The following RBFOX1 variants were observed in gnomAD, a reference collection of about 807,000 sequenced individuals.
RBFOX1 encodes RNA binding fox-1 homolog 1, also known as RNA binding protein fox-1 homolog 1.
RBFOX1 carries 8 observed loss-of-function variants against 57.7 expected under a neutral mutation model. The observed-to-expected ratio is 0.14, with a 90% confidence interval of 0.08 to 0.25. The LOEUF (loss-of-function observed/expected upper bound fraction) is 0.25. RBFOX1 is among the 10% of genes least tolerant of loss of function. The probability of loss-of-function intolerance (pLI) is 1.00; values close to 1 mark genes in which losing one functional copy is unlikely to be tolerated. For missense variants in RBFOX1, 611 were observed against 548.5 expected (o/e 1.11, Z -1.14); for synonymous variants, 326 against 222.4 (o/e 1.47, Z -4.15).
At chr16:7,258,181 G>A (rs1184305495) in intron 4 of RBFOX1, among the ~76,000 whole-genome samples, 2 of 152,144 alleles carry the variant, frequency 1.3e-5, no homozygotes, top group African/African-American at 4.8e-5. Context: ...TTTAGGTATG[G>A]TTAACAATGT....
intron 9 of RBFOX1, among the ~76,000 whole-genome samples, chr16:7,604,960 A>T (rs555342683): frequency 3.3e-5 from 5 of 152,312 alleles, no homozygotes; most frequent in Middle Eastern, 3.4e-3. Flanking sequence ...GTAACAGTGG[A>T]AAGATGAAGA....
At chr16:6,819,590 A>G (rs111760128) in intron 3 of RBFOX1, among the ~76,000 whole-genome samples, 10,858 of 151,610 alleles carry the variant, frequency 0.072, 478 homozygotes, top group Non-Finnish European at 0.1. Flanking sequence ...CTGTAATCCC[A>G]GCTACTCGGG....
intron 1 of RBFOX1, among the ~76,000 whole-genome samples, chr16:6,034,609 A>G (rs778658988): frequency 5.1e-4 from 77 of 152,136 alleles, no homozygotes; most frequent in Non-Finnish European, 9.7e-4. Context: ...TGGTCTAAAC[A>G]GTCCTTAATA....
At chr16:5,918,353 C>T (rs1056108798) in intron 4 of RBFOX1, among the ~76,000 whole-genome samples, 1 of 152,222 alleles carries the variant, frequency 6.6e-6, no homozygotes, top group Admixed American at 6.5e-5. Context: ...CTTCTGACCT[C>T]AGGTGATCCA....
At chr16:6,630,014 G>GA (rs149051904) in intron 2 of RBFOX1, among the ~76,000 whole-genome samples, 253 of 148,478 alleles carry the variant, frequency 1.7e-3, no homozygotes, top group African/African-American at 6.0e-3. Flanking sequence ...GAGAAAAATG[G>GA]AAAGATTAAA....
intron 3 of RBFOX1, among the ~76,000 whole-genome samples, chr16:5,711,328 C>T (rs748323854): frequency 3.3e-5 from 5 of 152,080 alleles, no homozygotes; most frequent in Non-Finnish European, 7.3e-5. Context: ...GTTAAGTGGC[C>T]CAAGGTCACA....
At chr16:7,059,814 C>A (rs1176770995) in intron 4 of RBFOX1, among the ~76,000 whole-genome samples, 1 of 151,642 alleles carries the variant, frequency 6.6e-6, no homozygotes, top group Non-Finnish European at 1.5e-5. Flanking sequence ...GCTGCTTCTG[C>A]CAGCTGCACT....
At chr16:5,377,367 A>C (rs1749897914) in intron 1 of RBFOX1, among the ~76,000 whole-genome samples, 1 of 151,390 alleles carries the variant, frequency 6.6e-6, no homozygotes. Flanking sequence ...GGGTCACGTA[A>C]GCAGAGACTC....
At chr16:7,532,683 G>A (rs559032469) in intron 5 of RBFOX1, among the ~76,000 whole-genome samples, 4 of 152,174 alleles carry the variant, frequency 2.6e-5, no homozygotes, top group Non-Finnish European at 4.4e-5. Flanking sequence ...ACTGTAGCTC[G>A]TGGGCCGATT....
chr16:7,439,528 G>T (rs567794294), intron 4 of RBFOX1, among the ~76,000 whole-genome samples: 5 of 152,218 alleles, frequency 3.3e-5, no homozygotes, highest in African/African-American at 7.2e-5. Flanking sequence ...CTTGTAAGTC[G>T]ATAGGAGATT....
intron 2 of RBFOX1, among the ~76,000 whole-genome samples, chr16:6,341,727 C>T (rs972936915): frequency 6.6e-6 from 1 of 151,950 alleles, no homozygotes; most frequent in East Asian, 1.9e-4. Context: ...GAATGTCCTA[C>T]TCTGTCTATG....
At chr16:7,211,990 C>G (rs540315789) in intron 4 of RBFOX1, among the ~76,000 whole-genome samples, 2 of 152,288 alleles carry the variant, frequency 1.3e-5, no homozygotes, top group African/African-American at 4.8e-5. Context: ...TCCCATCAAG[C>G]CACCCCAAAT....
chr16:6,185,848 C>G (rs1482733529), intron 1 of RBFOX1, among the ~76,000 whole-genome samples: 1 of 152,144 alleles, frequency 6.6e-6, no homozygotes, highest in East Asian at 1.9e-4. Flanking sequence ...AGAGTTGGAT[C>G]TTCTTTCCTT....
chr16:6,605,161 C>G (rs182828450), intron 2 of RBFOX1, among the ~76,000 whole-genome samples: 1 of 152,162 alleles, frequency 6.6e-6, no homozygotes, highest in African/African-American at 2.4e-5. Flanking sequence ...ACTGCTTAAG[C>G]CCAGGAGCTC....
intron 3 of RBFOX1, among the ~76,000 whole-genome samples, chr16:5,716,196 T>C (rs914201700): frequency 6.6e-6 from 1 of 152,220 alleles, no homozygotes; most frequent in African/African-American, 2.4e-5. Context: ...TTTTAAACTT[T>C]TATTTGGTTG....
chr16:5,885,910 C>G (rs774064845), intron 4 of RBFOX1, among the ~76,000 whole-genome samples: 1 of 152,046 alleles, frequency 6.6e-6, no homozygotes, highest in African/African-American at 2.4e-5. Flanking sequence ...AATTGTAATC[C>G]TCGATGCTGG....
chr16:7,487,192 G>A (rs891753931), intron 4 of RBFOX1, among the ~76,000 whole-genome samples: 15 of 152,130 alleles, frequency 9.9e-5, no homozygotes, highest in East Asian at 3.9e-4. Context: ...GAGCCACTGC[G>A]CCTTAACCAC....
intron 3 of RBFOX1, among the ~76,000 whole-genome samples, chr16:6,913,417 T>C (rs2072232777): frequency 6.6e-6 from 1 of 152,056 alleles, no homozygotes; most frequent in Non-Finnish European, 1.5e-5. Context: ...ACGGCATTGT[T>C]TGAGAACATC....
intron 5 of RBFOX1, among the ~76,000 whole-genome samples, chr16:7,520,908 A>G (rs2077383124): frequency 6.6e-6 from 1 of 152,178 alleles, no homozygotes; most frequent in Non-Finnish European, 1.5e-5. Context: ...AATATTTATT[A>G]AGCTTCTATT....
Sources: allele counts gnomAD v4.1 joint callset (sites outside exome capture counted in the v4.1 genomes callset), GRCh38; gene constraint gnomAD v4.1.1; transcripts MANE v1.5; gene names NCBI Gene and HGNC (gene_info 2026-07-23, HGNC 2026-07-21).